Variants in ATG10 observed in about 807,000 individuals in gnomAD.
The protein encoded by ATG10 is ubiquitin-like-conjugating enzyme ATG10.
Under a neutral mutation model 32.1 loss-of-function variants are expected in ATG10, and 30 were observed. The observed-to-expected ratio is 0.94, with a 90% CI of 0.70 to 1.27. The LOEUF (loss-of-function observed/expected upper bound fraction) is 1.27, where lower values mean the gene tolerates loss of function less well. Ranked by LOEUF, ATG10 falls within the 50% of genes most tolerant of loss-of-function variation. The pLI is 0.00. For missense variants in ATG10, 233 were observed against 262.3 expected, an observed-to-expected ratio of 0.89 and a Z score of 0.77; for synonymous variants, 87 against 91.5, an observed-to-expected ratio of 0.95 and a Z score of 0.28.
chr5:82,070,879 A>G (rs935129662), intron 3 of ATG10, among the ~76,000 whole-genome samples: 7 of 152,138 alleles, frequency 4.6e-5, no homozygotes, highest in Non-Finnish European at 8.8e-5. Context: ...AAATCAAGCT[A>G]TGGAAATTGC....
chr5:82,100,643 C>T (rs921263568), intron 3 of ATG10, among the ~76,000 whole-genome samples: 2 of 108,302 alleles, frequency 1.8e-5, no homozygotes, highest in Non-Finnish European at 4.1e-5. Context: ...AAAAGAAGGG[C>T]TCTGTCTTTT....
intron 2 of ATG10, among the ~76,000 whole-genome samples, chr5:82,045,623 G>A (rs1016269788): frequency 1.3e-5 from 2 of 152,136 alleles, no homozygotes; most frequent in Admixed American, 6.5e-5. Context: ...AGATGACACA[G>A]AGAAGGAGGG....
chr5:82,125,289 A>C (rs916019309), intron 3 of ATG10, among the ~76,000 whole-genome samples: 4 of 152,144 alleles, frequency 2.6e-5, no homozygotes, highest in African/African-American at 7.2e-5. Flanking sequence ...TCTTTAGTTT[A>C]ATTAGATCCC....
At chr5:82,232,496 T>C (rs557884334) in intron 5 of ATG10, among the ~76,000 whole-genome samples, 5 of 152,196 alleles carry the variant, frequency 3.3e-5, no homozygotes, top group Non-Finnish European at 7.3e-5. Context: ...ATGGGAAGAA[T>C]ACCTACTTTA....
At chr5:82,007,500 T>C (rs1762016240) in intron 2 of ATG10, among the ~76,000 whole-genome samples, 2 of 152,204 alleles carry the variant, frequency 1.3e-5, no homozygotes, top group South Asian at 4.1e-4. Context: ...TCACCCAGGC[T>C]GGAGTGCAAC....
intron 2 of ATG10, among the ~76,000 whole-genome samples, chr5:82,053,192 A>G (rs1404717260): frequency 6.6e-6 from 1 of 152,184 alleles, no homozygotes; most frequent in East Asian, 1.9e-4. Flanking sequence ...TGATAGGTAA[A>G]AAATGTTATC....
At chr5:82,187,552 T>G (rs1049127534) in intron 5 of ATG10, among the ~76,000 whole-genome samples, 1 of 151,688 alleles carries the variant, frequency 6.6e-6, no homozygotes, top group Non-Finnish European at 1.5e-5. Context: ...GAAACTTCTT[T>G]CTCACTATCT....
At chr5:82,179,019 T>TC (rs1744137102) in intron 5 of ATG10, among the ~76,000 whole-genome samples, 1 of 152,132 alleles carries the variant, frequency 6.6e-6, no homozygotes, top group Non-Finnish European at 1.5e-5. Flanking sequence ...TTAAATGTGC[T>TC]CGGGACACTT....
intron 3 of ATG10, among the ~76,000 whole-genome samples, chr5:82,131,808 G>C (rs1766548187): frequency 6.6e-6 from 1 of 152,086 alleles, no homozygotes; most frequent in African/African-American, 2.4e-5. Flanking sequence ...TAATTTATAA[G>C]CAAAGAGGTT....
intron 3 of ATG10, among the ~76,000 whole-genome samples, chr5:82,139,557 G>C (rs1418662169): frequency 6.4e-5 from 9 of 141,170 alleles, no homozygotes; most frequent in South Asian, 2.3e-4. Context: ...GGTGAGGAGC[G>C]TCTCTGCCCG....
chr5:82,080,714 T>C (rs1047062319), intron 3 of ATG10, among the ~76,000 whole-genome samples: 1 of 152,228 alleles, frequency 6.6e-6, no homozygotes, highest in Non-Finnish European at 1.5e-5. Context: ...TCTGTTCCAT[T>C]GGTCTATATC....
In ATG10 at chr5:82,118,400, A is replaced by ATATATATATATATAT. The variant is rs371581160; in HGVS notation, c.217-45994_217-45993insATATATATATTATAT. Among the ~76,000 whole-genome samples, 30 of 115,822 alleles carry ATATATATATATATAT rather than the reference A, an allele frequency of 2.6e-4. 1 individual carries two copies. The highest frequency in any genetic ancestry group is 2.2e-3 in the South Asian group (7 of 3,232). The allele number at this position is 115,822 out of a possible 152,430, so 76.0% of individuals were successfully genotyped here. A position where few individuals can be genotyped will look rare whatever the true frequency, so the allele number is the denominator to read the frequency against. The stretch of plus-strand genomic sequence containing the variant: ...ATAATATATGTACATATATATATAT[A>ATATATATATATATAT]TATATGTATGTATATATTCCCTAGC... On this transcript the variant is annotated intron_variant, in intron 3 of 7. Transcript: ENST00000282185.
At chr5:82,196,646 A>G (rs972230168) in intron 5 of ATG10, among the ~76,000 whole-genome samples, 3 of 152,180 alleles carry the variant, frequency 2.0e-5, no homozygotes, top group African/African-American at 7.2e-5. Context: ...TGTAAAGACT[A>G]TTCTTTTCCC....
chr5:82,202,079 T>G (rs1444735887), intron 5 of ATG10, among the ~76,000 whole-genome samples: 1 of 152,182 alleles, frequency 6.6e-6, no homozygotes, highest in Non-Finnish European at 1.5e-5. Flanking sequence ...CAGTTTTGCT[T>G]CTTCCTTTCT....
chr5:81,982,267 A>G (rs928508836), intron 1 of ATG10, among the ~76,000 whole-genome samples: 3 of 152,284 alleles, frequency 2.0e-5, no homozygotes, highest in Middle Eastern at 3.4e-3. Context: ...GGAGTTCGCA[A>G]CCAGCCTGGG....
intron 2 of ATG10, among the ~76,000 whole-genome samples, chr5:82,057,796 G>A (rs1763650353): frequency 6.6e-6 from 1 of 152,100 alleles, no homozygotes; most frequent in Admixed American, 6.6e-5. Flanking sequence ...TACTGGTAAA[G>A]GGCTCAGAAA....
At position 82,231,508 on chromosome 5, in the gene ATG10, C is replaced by G. The variant is rs574001161; in HGVS notation, c.454-21054C>G. Among the ~76,000 whole-genome samples the G allele has an allele frequency of 3.3e-5, 5 of 152,228 alleles. No homozygotes were observed. The East Asian group carries it at 9.6e-4, about 29-fold the overall frequency. On this transcript the variant is annotated intron_variant, in intron 5 of 7. Transcript: ENST00000282185. ...GTTTATTTGTAGGAGCGTATGATTTCTCAATACGGCAGCCTATTAGTAGCA... is the reference window on the plus strand; with the variant it reads ...GTTTATTTGTAGGAGCGTATGATTTGTCAATACGGCAGCCTATTAGTAGCA...
intron 2 of ATG10, chr5:82,009,764 G>C: frequency 6.2e-7 from 1 of 1,606,578 alleles, no homozygotes; most frequent in Non-Finnish European, 8.5e-7. Flanking sequence ...TGAAAAACTG[G>C]GAGCCATTTG....
chr5:82,119,568 C>T (rs758518277), intron 3 of ATG10, among the ~76,000 whole-genome samples: 6 of 152,108 alleles, frequency 3.9e-5, no homozygotes, highest in Admixed American at 6.5e-5. Flanking sequence ...TCAAGTGATT[C>T]TCCTGCCTCA....
Sources: gnomAD v4.1 joint callset for allele counts (sites outside exome capture counted in the v4.1 genomes callset) on GRCh38, gnomAD v4.1.1 for gene constraint, MANE v1.5 for transcripts, NCBI Gene and HGNC (gene_info 2026-07-23, HGNC 2026-07-21) for gene names.